Variants in KCNIP4 observed in about 807,000 individuals in gnomAD.
KCNIP4 encodes potassium voltage-gated channel interacting protein 4.
KCNIP4 carries 12 observed loss-of-function variants against 34.0 expected under a neutral mutation model. The ratio of observed to expected loss-of-function variants is 0.35; its 90% CI spans 0.23 to 0.57. KCNIP4 has a LOEUF of 0.57. KCNIP4 is among the 20% of genes least tolerant of loss of function. The pLI is 0.83. For missense variants in KCNIP4, 238 were observed against 311.7 expected (o/e 0.76, Z 1.78); for synonymous variants, 124 against 102.2 (o/e 1.21, Z -1.29).
intron 1 of KCNIP4, among the ~76,000 whole-genome samples, chr4:21,803,032 C>T (rs910160531): frequency 2.0e-5 from 3 of 152,134 alleles, no homozygotes; most frequent in African/African-American, 7.2e-5. Flanking sequence ...TCCATGTCTT[C>T]CCTAGTACTT....
chr4:21,190,370 A>G lies in KCNIP4; in HGVS notation c.62-307661T>C, dbSNP rs117575956. 2.7e-3 allele frequency among the ~76,000 whole-genome samples: 418 copies of G among 152,232 alleles called. 19 individuals are homozygous for G. In the East Asian group the frequency reaches 0.075, roughly 27 times the overall value. Reference sequence around the variant, plus strand: ...TATTCATTAGTATTGGTTCGTTGGTATTTGGTTCAGCAGTATTGGTTAATA... The same window carrying G: ...TATTCATTAGTATTGGTTCGTTGGTGTTTGGTTCAGCAGTATTGGTTAATA... On this transcript the variant is annotated intron_variant, in intron 1 of 8. Coordinates refer to ENST00000382152, the MANE Select transcript of KCNIP4 (RefSeq NM_025221.6).
intron 1 of KCNIP4, among the ~76,000 whole-genome samples, chr4:21,133,228 C>A (rs1751222015): frequency 6.6e-6 from 1 of 152,106 alleles, no homozygotes; most frequent in Admixed American, 6.5e-5. Flanking sequence ...CAAAAGTTGC[C>A]TACTTCCTCA....
At chr4:20,956,875 G>A (rs777014818) in intron 1 of KCNIP4, among the ~76,000 whole-genome samples, 3 of 152,222 alleles carry the variant, frequency 2.0e-5, no homozygotes, top group Non-Finnish European at 2.9e-5. Context: ...TGTATCAGAA[G>A]TTAGAATAAC....
intron 1 of KCNIP4, among the ~76,000 whole-genome samples, chr4:20,890,300 G>A (rs1218364676): frequency 6.6e-6 from 1 of 152,166 alleles, no homozygotes; most frequent in African/African-American, 2.4e-5. Flanking sequence ...CAGATATGAA[G>A]GAGGGATGGG....
At chr4:21,139,725 C>G (rs778175809) in intron 1 of KCNIP4, among the ~76,000 whole-genome samples, 1 of 114,954 alleles carries the variant, frequency 8.7e-6, no homozygotes, top group South Asian at 2.7e-4. Context: ...TCTGCTCGGG[C>G]TTACTGTCTT....
chr4:21,072,538 G>T (rs1308933019), intron 1 of KCNIP4, among the ~76,000 whole-genome samples: 1 of 151,848 alleles, frequency 6.6e-6, no homozygotes, highest in South Asian at 2.1e-4. Flanking sequence ...GTAGATTCTG[G>T]ATATTAGTCC....
intron 1 of KCNIP4, among the ~76,000 whole-genome samples, chr4:21,235,845 C>T (rs1759318137): frequency 6.6e-6 from 1 of 152,060 alleles, no homozygotes; most frequent in Non-Finnish European, 1.5e-5. Context: ...TATCCTGGGG[C>T]CTCAGAGAGG....
At chr4:21,410,037 C>A (rs188771036) in intron 1 of KCNIP4, among the ~76,000 whole-genome samples, 108 of 152,220 alleles carry the variant, frequency 7.1e-4, no homozygotes, top group African/African-American at 2.4e-3. Flanking sequence ...GTACCAATTG[C>A]AGTTGATGGC....
At chr4:21,418,726 G>A (rs182797051) in intron 1 of KCNIP4, among the ~76,000 whole-genome samples, 1 of 152,224 alleles carries the variant, frequency 6.6e-6, no homozygotes, top group Non-Finnish European at 1.5e-5. Context: ...CTATGTCTCC[G>A]AAGCTCTCTG....
At chr4:20,831,933 C>A (rs1031321552) in intron 3 of KCNIP4, among the ~76,000 whole-genome samples, 1 of 152,188 alleles carries the variant, frequency 6.6e-6, no homozygotes, top group Non-Finnish European at 1.5e-5. Flanking sequence ...CACTTTCAAC[C>A]ACTGTGGCCA....
chr4:21,766,733 A>G (rs1055145455), intron 1 of KCNIP4, among the ~76,000 whole-genome samples: 3 of 152,232 alleles, frequency 2.0e-5, no homozygotes, highest in African/African-American at 7.2e-5. Context: ...TACTTATTTC[A>G]AAGTCTGGCA....
intron 1 of KCNIP4, among the ~76,000 whole-genome samples, chr4:21,605,607 A>G (rs1743582099): frequency 6.6e-6 from 1 of 152,004 alleles, no homozygotes; most frequent in Admixed American, 6.6e-5. Flanking sequence ...CAGCCTCCAG[A>G]GTAGCTGGTA....
At chr4:20,787,667 T>G (rs1327954878) in intron 3 of KCNIP4, among the ~76,000 whole-genome samples, 2 of 152,148 alleles carry the variant, frequency 1.3e-5, no homozygotes, top group East Asian at 3.9e-4. Flanking sequence ...ATAACCATTG[T>G]TCACAATTTT....
intron 1 of KCNIP4, among the ~76,000 whole-genome samples, chr4:21,021,164 T>A (rs992767576): frequency 6.6e-6 from 1 of 152,222 alleles, no homozygotes; most frequent in African/African-American, 2.4e-5. Context: ...CAATTTTAAG[T>A]ATTTGTGTAT....
intron 1 of KCNIP4, among the ~76,000 whole-genome samples, chr4:21,476,773 C>T (rs193095375): frequency 6.6e-6 from 1 of 152,284 alleles, no homozygotes; most frequent in East Asian, 1.9e-4. Flanking sequence ...TTTTGTTAGG[C>T]TTCAGCATCT....
chr4:21,360,501 C>G (rs974037430), intron 1 of KCNIP4, among the ~76,000 whole-genome samples: 1 of 151,950 alleles, frequency 6.6e-6, no homozygotes, highest in Admixed American at 6.6e-5. Context: ...TGGGGAAAAC[C>G]TCTTTTATAT....
chr4:21,257,723 C>A lies in KCNIP4; in HGVS notation c.62-375014G>T, dbSNP rs141864356. Among the ~76,000 whole-genome samples the A allele has an allele frequency of 7.4e-3, 1,108 of 149,770 alleles. 18 individuals carry two copies. Among genetic ancestry groups the A allele is most frequent in the African/African-American group, 0.026 (1,067 of 40,888 alleles). ...CGAGATCATGCCATTGTACTCTAGC[C>A]TGGGTGACACAGCAAGACTCAGTCT... On this transcript the variant is annotated intron_variant, in intron 1 of 8. Coordinates refer to ENST00000382152, the MANE Select transcript of KCNIP4 (RefSeq NM_025221.6).
intron 1 of KCNIP4, chr4:21,852,415 A>G (rs988513687): frequency 6.6e-6 from 1 of 152,202 alleles, no homozygotes; most frequent in Non-Finnish European, 1.5e-5. Context: ...GGAAGAACTG[A>G]GAATGTTTAC....
chr4:21,305,180 C>T (rs1223492265), intron 1 of KCNIP4, among the ~76,000 whole-genome samples: 1 of 152,014 alleles, frequency 6.6e-6, no homozygotes, highest in African/African-American at 2.4e-5. Flanking sequence ...CTGAAGAGAG[C>T]AAAAGAAATG....
Sources: allele counts gnomAD v4.1 joint callset (sites outside exome capture counted in the v4.1 genomes callset), GRCh38; gene constraint gnomAD v4.1.1; transcripts MANE v1.5; gene names NCBI Gene and HGNC (gene_info 2026-07-23, HGNC 2026-07-21).